The following NRXN3 variants were observed in gnomAD, a reference collection of about 807,000 sequenced individuals.
The protein encoded by NRXN3 is neurexin III.
NRXN3 carries 32 observed loss-of-function variants against 137.6 expected under a neutral mutation model. The ratio of observed to expected loss-of-function variants is 0.23; its 90% confidence interval spans 0.18 to 0.31. NRXN3 has a LOEUF of 0.31. NRXN3 is among the 10% of genes least tolerant of loss of function. NRXN3 has a pLI of 1.00. For missense variants in NRXN3, 1,574 were observed against 2,062.5 expected (o/e 0.76, Z 4.59); for synonymous variants, 798 against 784.5 (o/e 1.02, Z -0.29).
intron 16 of NRXN3, among the ~76,000 whole-genome samples, chr14:79,524,628 A>G (rs1267296537): frequency 6.6e-6 from 1 of 152,200 alleles, no homozygotes; most frequent in East Asian, 1.9e-4. Flanking sequence ...TTCTCCCCAG[A>G]ATTATTCTGG....
At chr14:78,763,613 A>C (rs369613746) in intron 8 of NRXN3, among the ~76,000 whole-genome samples, 1 of 152,160 alleles carries the variant, frequency 6.6e-6, no homozygotes, top group South Asian at 2.1e-4. Context: ...CATGATGGTG[A>C]TATGATTGAC....
At chr14:79,432,237 A>C (rs1238569887) in intron 15 of NRXN3, among the ~76,000 whole-genome samples, 1 of 152,072 alleles carries the variant, frequency 6.6e-6, no homozygotes, top group Non-Finnish European at 1.5e-5. Context: ...ATATTTCCAT[A>C]CTTTTGCTCA....
intron 15 of NRXN3, among the ~76,000 whole-genome samples, chr14:79,264,164 C>CA (rs1168733610): frequency 6.6e-6 from 1 of 152,162 alleles, no homozygotes; most frequent in African/African-American, 2.4e-5. Context: ...ACATGGCTCA[C>CA]TGCAACTTCC....
At chr14:78,896,867 G>A (rs1245218996) in intron 10 of NRXN3, among the ~76,000 whole-genome samples, 1 of 151,912 alleles carries the variant, frequency 6.6e-6, no homozygotes, top group Non-Finnish European at 1.5e-5. Context: ...GTAGAACATA[G>A]TTAGAAAAGT....
intron 15 of NRXN3, among the ~76,000 whole-genome samples, chr14:79,430,776 C>T (rs2095739615): frequency 1.3e-5 from 2 of 152,110 alleles, no homozygotes; most frequent in Admixed American, 1.3e-4. Context: ...TGAGAAAAGG[C>T]CATATAAGGA....
At chr14:78,887,163 C>A (rs565176716) in intron 10 of NRXN3, among the ~76,000 whole-genome samples, 11 of 152,172 alleles carry the variant, frequency 7.2e-5, no homozygotes, top group African/African-American at 2.6e-4. Flanking sequence ...ACTATTATTT[C>A]TTTTACTCAT....
At chr14:78,657,046 CAAAAAAAAAAA>C (rs1174872709) in intron 6 of NRXN3, among the ~76,000 whole-genome samples, 10 of 31,058 alleles carry the variant, frequency 3.2e-4, no homozygotes, top group Admixed American at 1.7e-3. Flanking sequence ...GACTCCGTCT[CAAAAAAAAAAA>C]AAAAAAAAAA....
chr14:79,649,377 A>G (rs1027239481), intron 16 of NRXN3, among the ~76,000 whole-genome samples: 2 of 152,182 alleles, frequency 1.3e-5, no homozygotes, highest in East Asian at 3.9e-4. Flanking sequence ...AGCAGAAAGC[A>G]AGGGAGTCCA....
intron 4 of NRXN3, among the ~76,000 whole-genome samples, chr14:78,424,242 T>C (rs2153680693): frequency 6.6e-6 from 1 of 152,352 alleles, no homozygotes; most frequent in East Asian, 1.9e-4. Flanking sequence ...GTGGGCACCC[T>C]TAAGAAAAGT....
chr14:79,795,462 T>C (rs1403292833), intron 19 of NRXN3, among the ~76,000 whole-genome samples: 1 of 152,172 alleles, frequency 6.6e-6, no homozygotes, highest in African/African-American at 2.4e-5. Context: ...CTTCTAGGCA[T>C]GAATAGGGAT....
intron 15 of NRXN3, among the ~76,000 whole-genome samples, chr14:79,232,351 T>C (rs892978456): frequency 6.6e-6 from 1 of 152,140 alleles, no homozygotes; most frequent in African/African-American, 2.4e-5. Context: ...AAGGTCAGTT[T>C]TTAAGGCACA....
At chr14:79,770,036 C>A (rs1416628184) in intron 19 of NRXN3, among the ~76,000 whole-genome samples, 3 of 151,878 alleles carry the variant, frequency 2.0e-5, no homozygotes, top group Non-Finnish European at 4.4e-5. Flanking sequence ...AAGGCCATTA[C>A]ATAATGGTAA....
chr14:78,816,960 C>G (rs1224339016), intron 10 of NRXN3, among the ~76,000 whole-genome samples: 1 of 152,160 alleles, frequency 6.6e-6, no homozygotes, highest in Non-Finnish European at 1.5e-5. Context: ...ACTTTGGTGA[C>G]AACTTATATC....
chr14:78,980,025 G>A (rs1480680985), intron 14 of NRXN3, among the ~76,000 whole-genome samples: 1 of 152,202 alleles, frequency 6.6e-6, no homozygotes, highest in Non-Finnish European at 1.5e-5. Context: ...CCTTCCCATG[G>A]AAGCTGTGGT....
intron 4 of NRXN3, among the ~76,000 whole-genome samples, chr14:78,404,445 T>C (rs2092349959): frequency 6.6e-6 from 1 of 152,140 alleles, no homozygotes; most frequent in South Asian, 2.1e-4. Flanking sequence ...GTGCACCAGA[T>C]ATTGCCTGCA....
At chr14:78,215,765 G>C (rs1446010218) in intron 1 of NRXN3, among the ~76,000 whole-genome samples, 5 of 75,522 alleles carry the variant, frequency 6.6e-5, no homozygotes, top group Non-Finnish European at 1.1e-4. Flanking sequence ...TTGTGCTGCA[G>C]GGGGGTGGGG....
chr14:79,154,452 C>T (rs1269379098), intron 15 of NRXN3, among the ~76,000 whole-genome samples: 1 of 151,896 alleles, frequency 6.6e-6, no homozygotes, highest in Non-Finnish European at 1.5e-5. Flanking sequence ...TGTTTGGCAA[C>T]ATGTTTTTTT....
chr14:78,215,902 T>C (rs1157477698), intron 1 of NRXN3, among the ~76,000 whole-genome samples: 3 of 152,208 alleles, frequency 2.0e-5, no homozygotes, highest in African/African-American at 7.2e-5. Context: ...GGGCTTGGTC[T>C]GGGTGCCATA....
At chr14:79,055,870 A>G (rs1206064879) in intron 15 of NRXN3, among the ~76,000 whole-genome samples, 1 of 152,178 alleles carries the variant, frequency 6.6e-6, no homozygotes, top group African/African-American at 2.4e-5. Context: ...GAGTGACAGA[A>G]GCAGAGTGTG....
Sources: allele counts gnomAD v4.1 joint callset (sites outside exome capture counted in the v4.1 genomes callset), GRCh38; gene constraint gnomAD v4.1.1; transcripts MANE v1.5; gene names NCBI Gene and HGNC (gene_info 2026-07-23, HGNC 2026-07-21).